The following GABBR1 variants were observed in gnomAD, a reference collection of about 807,000 sequenced individuals.
GABBR1 encodes the protein gamma-aminobutyric acid type B receptor subunit 1.
A neutral mutation model predicts 117.7 loss-of-function variants in GABBR1; 35 were observed. The observed-to-expected ratio is 0.30, with a 90% CI of 0.23 to 0.39. The LOEUF (loss-of-function observed/expected upper bound fraction) is 0.39. Ranked by LOEUF, GABBR1 falls within the 10% of genes least tolerant of loss-of-function variation. The probability of loss-of-function intolerance (pLI) is 1.00; values close to 1 mark genes in which losing one functional copy is unlikely to be tolerated. For missense variants in GABBR1, 709 were observed against 1,241.8 expected (o/e 0.57, Z 6.45); for synonymous variants, 442 against 486.6 (o/e 0.91, Z 1.21).
At position 29,632,173 on chromosome 6, in the gene GABBR1, C is replaced by G. The variant is rs146396674; in HGVS notation, c.85+128G>C. On this transcript the variant is annotated intron_variant, in intron 2 of 22. Coordinates refer to ENST00000377034, the MANE Select transcript of GABBR1 (RefSeq NM_001470.4). The surrounding 1 kb of genome is among the most constrained non-coding windows in gnomAD (Gnocchi z 5.8). ...TCAGCAGTAGTAAAGTCGGGCCGAG[C>G]AGAAGGGGTTGCCAGACCGGGATGA... 4.9e-5 allele frequency: 27 copies of G among 552,628 alleles called. No individual in the cohort carries two copies. In the Middle Eastern group the frequency reaches 8.4e-4, roughly 17 times the overall value. 34.2% of individuals were successfully genotyped at this position (552,628 alleles called of 1,614,324 possible). A position where few individuals can be genotyped will look rare whatever the true frequency, so the allele number is the denominator to read the frequency against.
Position 29,606,477 on chromosome 6 carries a change from G to A in GABBR1, c.2225C>T (p.Ala742Val). The change falls in exon 19 of 23, where the codon GCC (alanine) becomes GTC (valine). Residue 742 changes from alanine to valine, a missense_variant. Physicochemically the swap from Ala to Val is moderately conservative, Grantham distance 64. Around this residue, in one of 9 missense-constraint regions of GABBR1, gnomAD observed 251 missense variants for 445.3 expected, o/e 0.56. Coordinates refer to ENST00000377034, the MANE Select transcript of GABBR1 (RefSeq NM_001470.4). The surrounding 1 kb of genome is among the most constrained non-coding windows in gnomAD (Gnocchi z 4.5). ...DPLHRTIETF[A>V]KEEPKEDIDV... is the part of the protein sequence containing the mutation. ...AATATCTTCCTTAGGTTCCTCCTTG[G>A]CAAATGTCTAGGGCAGAAACAAGGT... 1 of 1,609,940 alleles carries A rather than the reference G, an allele frequency of 6.2e-7. No individual in the cohort carries two copies. The highest frequency in any genetic ancestry group is 8.5e-7 in the Non-Finnish European group (1 of 1,177,124).
chr6:29,611,042 A>C lies in GABBR1; in HGVS notation c.1631-41T>G. On this transcript the variant is annotated intron_variant, in intron 13 of 22. Coordinates refer to ENST00000377034, the MANE Select transcript of GABBR1 (RefSeq NM_001470.4). The surrounding 1 kb of genome is among the most constrained non-coding windows in gnomAD (Gnocchi z 4.6). ...TAAAAGGAGTGACCACAGGTAGCCA[A>C]AGAGCTGATCCTAGGCATTTTCAAC... The C allele has an allele frequency of 6.6e-7, 1 of 1,524,572 alleles. No homozygotes were observed. The allele number at this position is 1,524,572 out of a possible 1,614,324, so 94.4% of individuals were successfully genotyped here.
At position 29,620,463 on chromosome 6, in the gene GABBR1, G is replaced by A. The variant is rs6920935; in HGVS notation, c.1323+638C>T. 0.15 allele frequency among the ~76,000 whole-genome samples: 22,460 copies of A among 151,996 alleles called. 1,907 individuals carry two copies. The highest frequency in any genetic ancestry group is 0.31 in the Middle Eastern group (92 of 294). On this transcript the variant is annotated intron_variant, in intron 11 of 22. Transcript: ENST00000377034. The surrounding 1 kb of genome is among the most constrained non-coding windows in gnomAD (Gnocchi z 4.5). ...GAGCAACAAAGAAGCCTCTTCCCCT[G>A]TGCCCACACCCACACTCACTTCTGC... is the stretch of plus-strand genomic sequence containing the variant.
chr6:29,629,764 CAG>C (rs1381215727), intron 4 of GABBR1: 1 of 143,120 alleles, frequency 7.0e-6, no homozygotes, highest in Non-Finnish European at 1.5e-5. Context: ...GAGAAGATGG[CAG>C]AGAGTTCGGG....
intron 22 of GABBR1, 57 bp from the exon 23 acceptor site, chr6:29,603,773 G>A: frequency 7.5e-7 from 1 of 1,338,498 alleles, no homozygotes. Flanking sequence ...GAAGGAGTGG[G>A]GAGGAGGGAA....
Position 29,602,818 on chromosome 6 carries a change from G to A in GABBR1, c.*725C>T. Reference sequence around the variant, plus strand: ...CGCTCAAGGGCAGACCCATGACCATGAGAGGGGCACACGTAGCTGTGAATG... The same window carrying A: ...CGCTCAAGGGCAGACCCATGACCATAAGAGGGGCACACGTAGCTGTGAATG... On this transcript the variant is annotated 3_prime_UTR_variant, in exon 23 of 23. Coordinates refer to ENST00000377034, the MANE Select transcript of GABBR1 (RefSeq NM_001470.4). 2.8e-6 allele frequency: 1 copy of A among 358,100 alleles called. No homozygotes were observed. The highest frequency in any genetic ancestry group is 2.1e-5 in the South Asian group (1 of 47,734). The allele number at this position is 358,100 out of a possible 1,614,324, so 22.2% of individuals were successfully genotyped here.
rs555286505 is a variant in GABBR1, at chr6:29,631,667, TG to T, written c.86-69del. On this transcript the variant is annotated intron_variant, in intron 2 of 22. Transcript: ENST00000377034. This position sits in a 1 kb window ranked among gnomAD's most constrained non-coding sequence, Gnocchi z 5.9. ...AAAGAGGAAAAGGCAGGCTCCCCAGTGGGAGGAAGGGGAGAGTAGGGCGTGG... is the reference window on the plus strand; with the variant it reads ...AAAGAGGAAAAGGCAGGCTCCCCAGTGGAGGAAGGGGAGAGTAGGGCGTGG... 1.2e-4 allele frequency: 177 copies of T among 1,422,372 alleles called. 5 individuals are homozygous for T. In the East Asian group the frequency reaches 3.9e-3, roughly 32 times the overall value. The allele number at this position is 1,422,372 out of a possible 1,614,324, so 88.1% of individuals were successfully genotyped here.
chr6:29,609,354 G>T lies in GABBR1; in HGVS notation c.1734C>A (p.Thr578=), dbSNP rs1370430454. The T allele has an allele frequency of 6.2e-7, 1 of 1,612,844 alleles. No individual in the cohort carries two copies. Among genetic ancestry groups the T allele is most frequent in the South Asian group, 1.1e-5 (1 of 91,076 alleles). ...GGAAGCGGAATGTCTTGATGACCAG[G>T]GTCTGGTCAGCTGGGGGGGACCCTC... is the stretch of plus-strand genomic sequence containing the variant. ...WIGGSPPADQ[T]LVIKTFRFLS... The change falls in exon 15 of 23, where the codon ACC becomes ACA. Residue 578 remains threonine, a synonymous_variant. Coordinates refer to ENST00000377034, the MANE Select transcript of GABBR1 (RefSeq NM_001470.4). This position sits in a 1 kb window ranked among gnomAD's most constrained non-coding sequence, Gnocchi z 4.3.
Position 29,609,441 on chromosome 6 carries a change from G to A in GABBR1, c.1709-62C>T. ...GAGAAGGGAAGGAGGACAAAGGAAT[G>A]AAGACGGGATAGGAGAAAAGGGCAA... On this transcript the variant is annotated intron_variant, in intron 14 of 22. Coordinates refer to ENST00000377034, the MANE Select transcript of GABBR1 (RefSeq NM_001470.4). This position sits in a 1 kb window ranked among gnomAD's most constrained non-coding sequence, Gnocchi z 4.3. 1 of 1,468,294 alleles carries A rather than the reference G, an allele frequency of 6.8e-7. No homozygotes were observed. The highest frequency in any genetic ancestry group is 2.3e-5 in the East Asian group (1 of 44,168). 91.0% of individuals were successfully genotyped at this position (1,468,294 alleles called of 1,614,324 possible).
Position 29,605,786 on chromosome 6 carries a change from G to T in GABBR1, c.2312-90C>A. ...CCCCTCTCTGCCCTTCACCTACTCT[G>T]AAATGGAAAGGGGGCCCTCCTCTCC... On this transcript the variant is annotated intron_variant, in intron 19 of 22. Coordinates refer to ENST00000377034, the MANE Select transcript of GABBR1 (RefSeq NM_001470.4). This position sits in a 1 kb window ranked among gnomAD's most constrained non-coding sequence, Gnocchi z 4.2. 1.3e-6 allele frequency: 2 copies of T among 1,483,910 alleles called. No homozygotes were observed. Among genetic ancestry groups the T allele is most frequent in the African/African-American group, 1.4e-5 (1 of 72,808 alleles). The allele number at this position is 1,483,910 out of a possible 1,614,324, so 91.9% of individuals were successfully genotyped here.
At position 29,631,455 on chromosome 6, in the gene GABBR1, T is replaced by C. The variant is rs1370544965; in HGVS notation, c.230A>G (p.Lys77Arg). 13 of 1,614,158 alleles carry C rather than the reference T, an allele frequency of 8.1e-6. No homozygotes were observed. Among genetic ancestry groups the C allele is most frequent in the Non-Finnish European group, 1.0e-5 (12 of 1,180,032 alleles). The part of the protein sequence containing the change: ...CRGEREVVGP[K>R]VRKCLANGSW... ...GCCGTTGGCCAGGCACTTGCGGACC[T>C]TGGGCCCCACCACCTCGCGCTCCCC... The change falls in exon 3 of 23, where the codon AAG becomes AGG. Residue 77 changes from lysine to arginine, a missense_variant. Coordinates refer to ENST00000377034, the MANE Select transcript of GABBR1 (RefSeq NM_001470.4). The surrounding 1 kb of genome is among the most constrained non-coding windows in gnomAD (Gnocchi z 5.9).
At chr6:29,615,807 A>G (rs1340669262) in intron 11 of GABBR1, among the ~76,000 whole-genome samples, 1 of 152,100 alleles carries the variant, frequency 6.6e-6, no homozygotes, top group African/African-American at 2.4e-5. Context: ...GGAGGCTCAC[A>G]TCTGTAATCT....
intron 11 of GABBR1, among the ~76,000 whole-genome samples, chr6:29,619,443 C>G (rs1314452244): frequency 6.6e-6 from 1 of 152,224 alleles, no homozygotes; most frequent in Non-Finnish European, 1.5e-5. Context: ...GACACAAAGT[C>G]AGAAAGGGAC....
chr6:29,627,779 C>A lies in GABBR1; in HGVS notation c.497-133G>T. The A allele has an allele frequency of 1.4e-6, 2 of 1,457,642 alleles. No homozygotes were observed. The highest frequency in any genetic ancestry group is 1.4e-5 in the South Asian group (1 of 71,438). The allele number at this position is 1,457,642 out of a possible 1,614,324, so 90.3% of individuals were successfully genotyped here. A position where few individuals can be genotyped will look rare whatever the true frequency, so the allele number is the denominator to read the frequency against. ...GGCCACCCCACCCGGGCAAAAGGGG[C>A]CCCGGGCCCCATGGCGTGGGGGGCA... On this transcript the variant is annotated intron_variant, in intron 5 of 22. Transcript: ENST00000377034. The surrounding 1 kb of genome is among the most constrained non-coding windows in gnomAD (Gnocchi z 4.4).
At chr6:29,619,790 TG>T (rs1447033492) in intron 11 of GABBR1, among the ~76,000 whole-genome samples, 3 of 152,258 alleles carry the variant, frequency 2.0e-5, no homozygotes, top group Non-Finnish European at 4.4e-5. Flanking sequence ...CCAGGTTTTA[TG>T]GATGACTCAC....
At position 29,617,490 on chromosome 6, in the gene GABBR1, C is replaced by T. The variant is rs111853699; in HGVS notation, c.1323+3611G>A. The stretch of plus-strand genomic sequence containing the variant: ...CTGATTTGTGTATTTTTAGCAGAGA[C>T]GGGGTTTCACCATGTTAGCCAGGCT... On this transcript the variant is annotated intron_variant, in intron 11 of 22. Transcript: ENST00000377034. Among the ~76,000 whole-genome samples, 116 of 151,992 alleles carry T rather than the reference C, an allele frequency of 7.6e-4. 1 individual carries two copies. The highest frequency in any genetic ancestry group is 2.6e-3 in the African/African-American group (108 of 41,486).
At chr6:29,610,544 T>C (rs1762434181) in intron 14 of GABBR1, among the ~76,000 whole-genome samples, 2 of 152,168 alleles carry the variant, frequency 1.3e-5, no homozygotes, top group Admixed American at 1.3e-4. Flanking sequence ...ACCGTTTTCC[T>C]GACAGAGACA....
rs6920509 is a variant in GABBR1, at chr6:29,620,453, C to T, written c.1323+648G>A. Among the ~76,000 whole-genome samples, 1,114 of 152,218 alleles carry T rather than the reference C, an allele frequency of 7.3e-3. 23 individuals carry two copies. The highest frequency in any genetic ancestry group is 0.059 in the South Asian group (286 of 4,822). On this transcript the variant is annotated intron_variant, in intron 11 of 22. Transcript: ENST00000377034. The surrounding 1 kb of genome is among the most constrained non-coding windows in gnomAD (Gnocchi z 4.5). ...ATGTAGTGCTGAGCAACAAAGAAGCCTCTTCCCCTGTGCCCACACCCACAC... is the reference window on the plus strand; with the variant it reads ...ATGTAGTGCTGAGCAACAAAGAAGCTTCTTCCCCTGTGCCCACACCCACAC...
chr6:29,607,271 T>G lies in GABBR1; in HGVS notation c.1993-53A>C. On this transcript the variant is annotated intron_variant, in intron 16 of 22. Transcript: ENST00000377034. The surrounding 1 kb of genome is among the most constrained non-coding windows in gnomAD (Gnocchi z 5.0). ...AACAGGGTAGAGTAGTAGCCGGGAC[T>G]GCAGTAAGGATGGGCAGAACCCTAA... The G allele has an allele frequency of 7.0e-7, 1 of 1,427,934 alleles. No homozygotes were observed. The highest frequency in any genetic ancestry group is 9.9e-7 in the Non-Finnish European group (1 of 1,013,922). The allele number at this position is 1,427,934 out of a possible 1,614,324, so 88.5% of individuals were successfully genotyped here.
Sources: gnomAD v4.1 joint callset for allele counts (sites outside exome capture counted in the v4.1 genomes callset) on GRCh38, gnomAD v4.1.1 for gene constraint, gnomAD v4.1.1 regional missense constraint, Gnocchi (gnomAD v3.1) non-coding constraint, MANE v1.5 for transcripts, NCBI Gene and HGNC (gene_info 2026-07-23, HGNC 2026-07-21) for gene names.